HIBCH: variants seen among roughly 807,000 people sequenced by gnomAD.
HIBCH encodes 3-hydroxyisobutyryl-CoA hydrolase.
HIBCH carries 50 observed loss-of-function variants against 58.2 expected under a neutral mutation model. The observed-to-expected ratio is 0.86, with a 90% confidence interval of 0.68 to 1.09. The LOEUF is 1.09. Ranked by LOEUF, HIBCH falls within the 50% of genes least tolerant of loss-of-function variation. The pLI is 0.00. For missense variants in HIBCH, 450 were observed against 449.7 expected, an observed-to-expected ratio of 1.00 and a Z score of -0.01; for synonymous variants, 151 against 146.9, an observed-to-expected ratio of 1.03 and a Z score of -0.20.
intron 9 of HIBCH, 71 bp from the exon 10 acceptor site, chr2:190,246,283 G>A (rs1214686182): frequency 1.1e-5 from 9 of 844,978 alleles, no homozygotes; most frequent in Non-Finnish European, 1.6e-5. Flanking sequence ...CATATTTAAT[G>A]ATACACTTTG....
intron 1 of HIBCH, among the ~76,000 whole-genome samples, chr2:190,198,692 CTA>C (rs1331383825): frequency 1.4e-5 from 2 of 144,200 alleles, no homozygotes; most frequent in Non-Finnish European, 3.0e-5. Flanking sequence ...ATTTTTAGAG[CTA>C]TGTTTTTAGT....
chr2:190,314,603 C>T (rs1049261819), intron 1 of HIBCH, among the ~76,000 whole-genome samples: 4 of 151,288 alleles, frequency 2.6e-5, no homozygotes, highest in African/African-American at 2.4e-5. Flanking sequence ...CTCAGCCTCC[C>T]GAGTAGCTGG....
In HIBCH at chr2:190,276,903, G is replaced by A. The variant is rs560351744; in HGVS notation, c.438+10683C>T. 2.6e-5 allele frequency among the ~76,000 whole-genome samples: 4 copies of A among 152,260 alleles called. No homozygotes were observed. The South Asian group carries it at 8.3e-4, about 32-fold the overall frequency. ...CCAGGACCCTCAATTATTTAGGGAT[G>A]GACTAAATGACTGGTATCACTGCTG... is the stretch of plus-strand genomic sequence containing the variant. On this transcript the variant is annotated intron_variant, in intron 6 of 13. Coordinates refer to ENST00000359678, the MANE Select transcript of HIBCH (RefSeq NM_014362.4).
chr2:190,266,289 T>C (rs1349900580), intron 6 of HIBCH, among the ~76,000 whole-genome samples: 2 of 152,240 alleles, frequency 1.3e-5, no homozygotes, highest in Non-Finnish European at 2.9e-5. Flanking sequence ...TGTGTGTGCA[T>C]ATAAAATATG....
chr2:190,239,267 T>C (rs1304825305), intron 11 of HIBCH, among the ~76,000 whole-genome samples: 11 of 152,174 alleles, frequency 7.2e-5, no homozygotes, highest in Admixed American at 7.2e-4. Flanking sequence ...AAAGATCAGA[T>C]GGTTGTAGGT....
chr2:190,256,052 G>C (rs975630291), intron 7 of HIBCH, among the ~76,000 whole-genome samples: 9 of 152,066 alleles, frequency 5.9e-5, no homozygotes, highest in Non-Finnish European at 1.0e-4. Context: ...AGGAGCAAAG[G>C]GGGAAGAGCC....
At chr2:190,298,118 G>C (rs1041836691) in intron 2 of HIBCH, among the ~76,000 whole-genome samples, 1 of 152,150 alleles carries the variant, frequency 6.6e-6, no homozygotes. Flanking sequence ...GTATTCCATG[G>C]TGTATATGTG....
At chr2:190,275,282 T>C (rs76451356) in intron 6 of HIBCH, among the ~76,000 whole-genome samples, 23,958 of 152,142 alleles carry the variant, frequency 0.16, 2,698 homozygotes, top group East Asian at 0.4. Context: ...ACAGGAGTGG[T>C]ACTACATGTA....
intron 1 of HIBCH, among the ~76,000 whole-genome samples, chr2:190,190,509 G>A (rs1299524925): frequency 6.6e-6 from 1 of 152,180 alleles, no homozygotes; most frequent in Non-Finnish European, 1.5e-5. Context: ...AAGAGGCTAT[G>A]GATATTGGTA....
rs1301324918 is a variant in HIBCH, at chr2:190,207,698, T to C, written c.1045+1182A>G. On this transcript the variant is annotated intron_variant, in intron 13 of 13. Coordinates refer to ENST00000359678, the MANE Select transcript of HIBCH (RefSeq NM_014362.4). This position sits in a 1 kb window ranked among gnomAD's most constrained non-coding sequence, Gnocchi z 4.5. ...GAGTTCAAGACCAGCCTGGCCAACATGGTGAAACCCCGTTTCTACTAAAAA... is the reference window on the plus strand; with the variant it reads ...GAGTTCAAGACCAGCCTGGCCAACACGGTGAAACCCCGTTTCTACTAAAAA... Among the ~76,000 whole-genome samples, 1 of 152,050 alleles carries C rather than the reference T, an allele frequency of 6.6e-6. No individual in the cohort carries two copies. Among genetic ancestry groups the C allele is most frequent in the Non-Finnish European group, 1.5e-5 (1 of 67,996 alleles).
In HIBCH at chr2:190,252,309, T is replaced by C; in HGVS notation, c.518-2A>G. 6.2e-7 allele frequency: 1 copy of C among 1,610,856 alleles called. No homozygotes were observed. ...CTCCACCCACATCAGGGAACAGTCC[T>C]GTAATTAAATGTAACAAAAAGAGAT... On this transcript the variant is annotated splice_acceptor_variant, in intron 7 of 13. Coordinates refer to ENST00000359678, the MANE Select transcript of HIBCH (RefSeq NM_014362.4). LOFTEE classifies it high-confidence loss of function.
At chr2:190,259,372 T>TGTGTGTGG (rs1553501637) in intron 7 of HIBCH, among the ~76,000 whole-genome samples, 1 of 147,030 alleles carries the variant, frequency 6.8e-6, no homozygotes, top group African/African-American at 2.6e-5. Flanking sequence ...TGTGTGTCTG[T>TGTGTGTGG]CTGACTGACA....
At chr2:190,261,919 T>C (rs1275789572) in intron 6 of HIBCH, among the ~76,000 whole-genome samples, 1 of 151,988 alleles carries the variant, frequency 6.6e-6, no homozygotes, top group Non-Finnish European at 1.5e-5. Context: ...CAGGAGGGGC[T>C]GAACTAGGGA....
chr2:190,202,245 T>G (rs1448301514), downstream of HIBCH: 1 of 166,978 alleles, frequency 6.0e-6, no homozygotes, highest in African/African-American at 2.4e-5. Flanking sequence ...CAAGCACCAC[T>G]CCCTTGTCCC....
Position 190,306,571 on chromosome 2 carries a change from T to C in HIBCH, c.78+4183A>G, listed in dbSNP as rs945527367. On this transcript the variant is annotated intron_variant, in intron 2 of 13. Coordinates refer to ENST00000359678, the MANE Select transcript of HIBCH (RefSeq NM_014362.4). This position sits in a 1 kb window ranked among gnomAD's most constrained non-coding sequence, Gnocchi z 4.6. Reference sequence around the variant, plus strand: ...CACTCATATAGGTCCTCTGTATCACTCCCCTGAGGCTTAAGCAAGAGAAAC... The same window carrying C: ...CACTCATATAGGTCCTCTGTATCACCCCCCTGAGGCTTAAGCAAGAGAAAC... 1.8e-4 allele frequency among the ~76,000 whole-genome samples: 28 copies of C among 152,136 alleles called. No individual in the cohort carries two copies. The highest frequency in any genetic ancestry group is 5.1e-4 in the African/African-American group (21 of 41,430).
At chr2:190,278,906 A>T (rs1687632205) in intron 6 of HIBCH, among the ~76,000 whole-genome samples, 2 of 152,246 alleles carry the variant, frequency 1.3e-5, no homozygotes, top group African/African-American at 4.8e-5. Context: ...TTACATTTTC[A>T]GAAGCTAGAG....
At chr2:190,314,358 CGT>C (rs1219163173) in intron 1 of HIBCH, among the ~76,000 whole-genome samples, 393 of 14,814 alleles carry the variant, frequency 0.027, 6 homozygotes, top group African/African-American at 0.058. Flanking sequence ...TGTATATATA[CGT>C]ATATATATAC....
At chr2:190,248,963 G>C (rs1176539269) in intron 9 of HIBCH, among the ~76,000 whole-genome samples, 1 of 152,078 alleles carries the variant, frequency 6.6e-6, no homozygotes. Flanking sequence ...CCTTTAGAAG[G>C]GTCTACAGCA....
chr2:190,220,155 T>A lies in HIBCH; in HGVS notation c.892-7080A>T, dbSNP rs189681160. ...TATCACTAGTTCCAAGATGTATCTATGATCGTGACTTCAACAGCTGCTGCA... is the reference window on the plus strand; with the variant it reads ...TATCACTAGTTCCAAGATGTATCTAAGATCGTGACTTCAACAGCTGCTGCA... On this transcript the variant is annotated intron_variant, in intron 11 of 13. Transcript: ENST00000359678. 3.5e-3 allele frequency: 537 copies of A among 152,370 alleles called. 1 individual carries two copies. The highest frequency in any genetic ancestry group is 0.012 in the African/African-American group (504 of 41,592). The allele number at this position is 152,370 out of a possible 1,614,324, so 9.4% of individuals were successfully genotyped here. A position where few individuals can be genotyped will look rare whatever the true frequency, so the allele number is the denominator to read the frequency against.
Sources: gnomAD v4.1 joint callset for allele counts (sites outside exome capture counted in the v4.1 genomes callset) on GRCh38, gnomAD v4.1.1 for gene constraint, Gnocchi (gnomAD v3.1) non-coding constraint, MANE v1.5 for transcripts, NCBI Gene and HGNC (gene_info 2026-07-23, HGNC 2026-07-21) for gene names.